The following KIAA0586 variants were observed in gnomAD, a reference collection of about 807,000 sequenced individuals.
KIAA0586 encodes KIAA0586, also known as protein TALPID3.
A neutral mutation model predicts 169.8 loss-of-function variants in KIAA0586; 144 were observed. That is an observed-to-expected ratio of 0.85 (90% CI 0.74 to 0.97). The LOEUF (loss-of-function observed/expected upper bound fraction) is 0.97, where lower values mean the gene tolerates loss of function less well. Ranked by LOEUF, KIAA0586 falls within the 50% of genes least tolerant of loss-of-function variation. KIAA0586 has a pLI of 0.00. For missense variants in KIAA0586, 1,854 were observed against 1,823.0 expected, an observed-to-expected ratio of 1.02 and a Z score of -0.31; for synonymous variants, 625 against 612.4, an observed-to-expected ratio of 1.02 and a Z score of -0.30.
chr14:58,427,509 C>A, upstream of KIAA0586: 1 of 1,372,766 alleles, frequency 7.3e-7, no homozygotes, highest in Non-Finnish European at 1.0e-6. Flanking sequence ...GTAGAGCGGT[C>A]TTGTGCGGCA....
At chr14:58,484,878 T>TTATATATATATTTATATATATATATTTA (rs1438954662) in intron 21 of KIAA0586, among the ~76,000 whole-genome samples, 1 of 51,002 alleles carries the variant, frequency 2.0e-5, no homozygotes, top group Non-Finnish European at 3.5e-5. Context: ...TTTATATATA[T>TTATATATATATTTATATATATATATTTA]TATATATATA....
intron 13 of KIAA0586, among the ~76,000 whole-genome samples, chr14:58,460,374 G>A (rs1216194969): frequency 6.6e-6 from 1 of 151,962 alleles, no homozygotes; most frequent in Admixed American, 6.6e-5. Context: ...CTAGTTTATG[G>A]TACTCAAAAT....
At chr14:58,497,614 T>C (rs2043248606) in intron 26 of KIAA0586, among the ~76,000 whole-genome samples, 1 of 151,664 alleles carries the variant, frequency 6.6e-6, no homozygotes, top group Admixed American at 6.6e-5. Context: ...CTGCCCGCCT[T>C]GACCTCCCAA....
chr14:58,464,792 T>C (rs2040607199), intron 14 of KIAA0586, among the ~76,000 whole-genome samples: 1 of 152,146 alleles, frequency 6.6e-6, no homozygotes, highest in Non-Finnish European at 1.5e-5. Flanking sequence ...AACTAAGTTA[T>C]TAATGGGCAG....
chr14:58,547,670 T>G, intron 30 of KIAA0586, 111 bp from the exon 31 acceptor site: 2 of 931,998 alleles, frequency 2.1e-6, no homozygotes, highest in Non-Finnish European at 1.6e-6. Context: ...AGGCAATCCT[T>G]ATTTGGAATC....
At position 58,442,876 on chromosome 14, in the gene KIAA0586, T is replaced by C; in HGVS notation, c.581T>C (p.Ile194Thr). ...GCCATTGCAACCGCAGCTCCGTTGA[T>C]AAAGGTATATTTTTCTTCCCAGATA... ...AAAIATAAPL[I>T]KVQSDLEAKV... The change falls in exon 5 of 31, where the codon ATA becomes ACA. Residue 194 changes from isoleucine (I) to threonine (T), a missense_variant. Transcript: ENST00000652326. 1 of 1,600,328 alleles carries C rather than the reference T, an allele frequency of 6.2e-7. No individual in the cohort carries two copies. The highest frequency in any genetic ancestry group is 1.1e-5 in the South Asian group (1 of 88,552).
At chr14:58,482,386 A>G in intron 20 of KIAA0586, 127 bp from the exon 21 acceptor site, 2 of 666,166 alleles carry the variant, frequency 3.0e-6, no homozygotes, top group Non-Finnish European at 4.5e-6. Context: ...AGATCACATC[A>G]TTGCACTCCA....
chr14:58,447,978 A>C (rs1053190048), intron 6 of KIAA0586, among the ~76,000 whole-genome samples: 6 of 152,196 alleles, frequency 3.9e-5, no homozygotes, highest in African/African-American at 1.4e-4. Context: ...TTGGTTTAAA[A>C]TTCTCTGATT....
At chr14:58,487,231 A>G (rs1351715487) in intron 22 of KIAA0586, 65 bp downstream of exon 22, 3 of 1,347,872 alleles carry the variant, frequency 2.2e-6, no homozygotes, top group Non-Finnish European at 3.1e-6. Flanking sequence ...TGATTTGTAT[A>G]TGTACTTGTT....
chr14:58,538,614 T>G (rs1269277041), intron 29 of KIAA0586, among the ~76,000 whole-genome samples: 2 of 152,062 alleles, frequency 1.3e-5, no homozygotes, highest in African/African-American at 2.4e-5. Context: ...GCAATTAAAT[T>G]ATTTTTTACT....
intron 29 of KIAA0586, among the ~76,000 whole-genome samples, chr14:58,529,654 C>T (rs939859788): frequency 4.6e-5 from 7 of 152,156 alleles, no homozygotes; most frequent in African/African-American, 9.7e-5. Context: ...TAAAATTCAA[C>T]GCCCCTTCAT....
rs2041464190 is a variant in KIAA0586 at position 58,474,589 on chromosome 14, TG to T, written c.2635-17del. 1 of 1,531,092 alleles carries T rather than the reference TG, an allele frequency of 6.5e-7. No homozygotes were observed. Among genetic ancestry groups the T allele is most frequent in the Non-Finnish European group, 8.8e-7 (1 of 1,138,818 alleles). The allele number at this position is 1,531,092 out of a possible 1,614,324, so 94.8% of individuals were successfully genotyped here. A position where few individuals can be genotyped will look rare whatever the true frequency, so the allele number is the denominator to read the frequency against. On this transcript the variant is annotated splice_polypyrimidine_tract_variant and intron_variant, in intron 18 of 30. Transcript: ENST00000652326. Reference sequence around the variant, plus strand: ...AACAAATACATGAATATAATAGTTTTGTTTTTGTTACTACCAGGAAGAAGAA... The same window carrying T: ...AACAAATACATGAATATAATAGTTTTTTTTTGTTACTACCAGGAAGAAGAA...
intron 29 of KIAA0586, among the ~76,000 whole-genome samples, chr14:58,536,362 T>C (rs938843453): frequency 6.6e-6 from 1 of 152,084 alleles, no homozygotes; most frequent in Non-Finnish European, 1.5e-5. Flanking sequence ...TGTGTACCCA[T>C]TGTTTAGCTC....
chr14:58,439,223 A>G (rs1283762075), intron 4 of KIAA0586, among the ~76,000 whole-genome samples: 3 of 151,262 alleles, frequency 2.0e-5, no homozygotes, highest in Non-Finnish European at 2.9e-5. Context: ...GTCTCGCTCT[A>G]TTGCCCACGC....
At chr14:58,521,993 C>A in intron 29 of KIAA0586, 1 of 1,307,910 alleles carries the variant, frequency 7.6e-7, no homozygotes, top group Non-Finnish European at 1.1e-6. Flanking sequence ...AACTCTTAAG[C>A]ACATAGTGGG....
intron 22 of KIAA0586, 127 bp from the exon 23 acceptor site, chr14:58,487,760 T>A: frequency 1.6e-6 from 1 of 616,258 alleles, no homozygotes; most frequent in Non-Finnish European, 2.9e-6. Flanking sequence ...ATTATTATTA[T>A]TAATTATAAT....
At chr14:58,468,232 G>A (rs549757338) in intron 16 of KIAA0586, among the ~76,000 whole-genome samples, 24 of 151,934 alleles carry the variant, frequency 1.6e-4, no homozygotes, top group African/African-American at 5.5e-4. Context: ...TTTTTTTTTA[G>A]TAGAGATGGG....
intron 21 of KIAA0586, among the ~76,000 whole-genome samples, chr14:58,483,683 A>G (rs2042185625): frequency 6.6e-6 from 1 of 152,134 alleles, no homozygotes; most frequent in South Asian, 2.1e-4. Flanking sequence ...TGCTTGTTTA[A>G]TCAACCTTAC....
At chr14:58,521,117 A>T (rs1370047310) in intron 29 of KIAA0586, 4 of 480,414 alleles carry the variant, frequency 8.3e-6, no homozygotes, top group Non-Finnish European at 1.5e-5. Context: ...AGTACCCGGG[A>T]ATAGGAGTCT....
Sources: allele counts gnomAD v4.1 joint callset (sites outside exome capture counted in the v4.1 genomes callset), GRCh38; gene constraint gnomAD v4.1.1; transcripts MANE v1.5; gene names NCBI Gene and HGNC (gene_info 2026-07-23, HGNC 2026-07-21).